The following LARGE1 variants were observed in gnomAD, a reference collection of about 807,000 sequenced individuals.
LARGE1 encodes xylosyl- and glucuronyltransferase LARGE1.
Under a neutral mutation model 87.6 loss-of-function variants are expected in LARGE1, and 43 were observed. The observed-to-expected ratio is 0.49, with a 90% CI of 0.38 to 0.63. The LOEUF is 0.63. Ranked by LOEUF, LARGE1 falls within the 30% of genes least tolerant of loss-of-function variation. The pLI is 0.00. For missense variants in LARGE1, 802 were observed against 1,000.2 expected (o/e 0.80, Z 2.67); for synonymous variants, 434 against 394.6 (o/e 1.10, Z -1.18).
chr22:33,446,660 C>G (rs1174142673), intron 6 of LARGE1, among the ~76,000 whole-genome samples: 1 of 152,084 alleles, frequency 6.6e-6, no homozygotes. Context: ...GCGAGGGAGA[C>G]GAGGCTGAAG....
chr22:33,478,395 A>T (rs1365790830), intron 6 of LARGE1, among the ~76,000 whole-genome samples: 14 of 152,230 alleles, frequency 9.2e-5, no homozygotes, highest in Admixed American at 9.2e-4. Flanking sequence ...TCTTTTGCCT[A>T]GAACACCTAT....
At chr22:33,239,270 C>T (rs554006477) in intron 11 of LARGE1, among the ~76,000 whole-genome samples, 22 of 152,166 alleles carry the variant, frequency 1.4e-4, no homozygotes, top group African/African-American at 4.8e-4. Flanking sequence ...TACTTAAATA[C>T]ATATTGCCAA....
intron 1 of LARGE1, among the ~76,000 whole-genome samples, chr22:33,764,624 G>A (rs945123847): frequency 3.9e-5 from 6 of 152,092 alleles, no homozygotes; most frequent in African/African-American, 1.2e-4. Flanking sequence ...TGGGTGTGGT[G>A]CCATGTGCCT....
At chr22:33,443,230 G>C (rs779856367) in intron 6 of LARGE1, among the ~76,000 whole-genome samples, 2 of 152,204 alleles carry the variant, frequency 1.3e-5, no homozygotes, top group Non-Finnish European at 2.9e-5. Flanking sequence ...TCTCAGAGTA[G>C]GGGATTGCAT....
the LARGE1 span, among the ~76,000 whole-genome samples, chr22:33,133,845 G>T: frequency 6.6e-6 from 1 of 151,942 alleles, no homozygotes; most frequent in African/African-American, 2.4e-5. Context: ...TCCAGCATCT[G>T]TTGTTTCTGA....
intron 2 of LARGE1, among the ~76,000 whole-genome samples, chr22:33,652,684 T>G (rs1283077780): frequency 6.6e-6 from 1 of 152,186 alleles, no homozygotes; most frequent in Non-Finnish European, 1.5e-5. Context: ...TTCAAAACTG[T>G]CCCAGAGAGT....
At chr22:33,457,341 G>A (rs376707193) in intron 6 of LARGE1, among the ~76,000 whole-genome samples, 1 of 129,050 alleles carries the variant, frequency 7.7e-6, no homozygotes, top group Admixed American at 9.2e-5. Flanking sequence ...TATTAGAGAC[G>A]GGGTTACACC....
intron 2 of LARGE1, among the ~76,000 whole-genome samples, chr22:33,734,246 C>T (rs1250675437): frequency 1.3e-5 from 2 of 152,206 alleles, no homozygotes; most frequent in Non-Finnish European, 2.9e-5. Context: ...CATAAGGTCA[C>T]GTTCACAGGC....
intron 10 of LARGE1, among the ~76,000 whole-genome samples, chr22:33,336,519 C>G (rs1320807673): frequency 2.6e-5 from 4 of 151,866 alleles, no homozygotes; most frequent in Non-Finnish European, 5.9e-5. Flanking sequence ...TTTTTATTCT[C>G]CATTTGACAG....
At chr22:33,377,570 G>C (rs555835314) in intron 9 of LARGE1, among the ~76,000 whole-genome samples, 1 of 152,186 alleles carries the variant, frequency 6.6e-6, no homozygotes, top group East Asian at 1.9e-4. Context: ...CAGTTTCTTT[G>C]CATGTTTGCA....
chr22:33,892,784 G>C (rs2065036923), intron 1 of LARGE1, among the ~76,000 whole-genome samples: 1 of 152,214 alleles, frequency 6.6e-6, no homozygotes, highest in South Asian at 2.1e-4. Context: ...TACTTCAGCG[G>C]AAGAGGCAGC....
At chr22:33,534,088 T>C (rs1366792998) in intron 6 of LARGE1, among the ~76,000 whole-genome samples, 1 of 152,278 alleles carries the variant, frequency 6.6e-6, no homozygotes, top group South Asian at 2.1e-4. Context: ...GGTGGGCTTC[T>C]TGACTGCAGG....
intron 2 of LARGE1, among the ~76,000 whole-genome samples, chr22:33,749,643 C>T (rs182401359): frequency 4.6e-5 from 7 of 152,320 alleles, no homozygotes; most frequent in South Asian, 4.1e-4. Flanking sequence ...TCCTGATGTC[C>T]GTTCCTTCTC....
chr22:33,910,919 C>T (rs1455848159), intron 1 of LARGE1, among the ~76,000 whole-genome samples: 1 of 152,182 alleles, frequency 6.6e-6, no homozygotes, highest in East Asian at 1.9e-4. Flanking sequence ...GGGGCAAGGT[C>T]GGTCCTGGAA....
the LARGE1 span, among the ~76,000 whole-genome samples, chr22:33,069,226 T>A: frequency 6.6e-6 from 1 of 152,008 alleles, no homozygotes; most frequent in African/African-American, 2.4e-5. Context: ...TTATTTCACT[T>A]CCATAATGAA....
chr22:33,760,189 G>A (rs1177479774), intron 2 of LARGE1, among the ~76,000 whole-genome samples: 1 of 152,202 alleles, frequency 6.6e-6, no homozygotes, highest in Non-Finnish European at 1.5e-5. Flanking sequence ...AAATTCAAGT[G>A]TGGGGGTAAA....
chr22:33,463,223 A>C (rs1477850925), intron 6 of LARGE1, among the ~76,000 whole-genome samples: 1 of 152,158 alleles, frequency 6.6e-6, no homozygotes, highest in South Asian at 2.1e-4. Context: ...GAATTTAAAT[A>C]AATCCAACTA....
rs575109409 is a variant in LARGE1 at position 33,787,777 on chromosome 22, C to G, written c.-82-26219G>C. On this transcript the variant is annotated intron_variant, in intron 1 of 14. Transcript: ENST00000397394. ...TTAGTGTGTCCTTACAGCCCTTCAA[C>G]ACTTGGTAAGAAGGAACTGAGAGTT... 2.6e-5 allele frequency among the ~76,000 whole-genome samples: 4 copies of G among 152,322 alleles called. No individual in the cohort carries two copies. In the East Asian group the frequency reaches 7.7e-4, roughly 29 times the overall value.
In LARGE1 at chr22:33,597,223, A is replaced by ATTCT. The variant is rs2079000328; in HGVS notation, c.615+7211_615+7212insAGAA. On this transcript the variant is annotated intron_variant, in intron 5 of 14. Transcript: ENST00000397394. ...CTGGGAAAAGCTATATGTTAGAAAG[A>ATTCT]AACATATGTGATCTCTTGTTGGGCA... Among the ~76,000 whole-genome samples, 7 of 152,150 alleles carry ATTCT rather than the reference A, an allele frequency of 4.6e-5. No individual in the cohort carries two copies. The South Asian group carries it at 8.3e-4, about 18-fold the overall frequency.
Sources: allele counts gnomAD v4.1 joint callset (sites outside exome capture counted in the v4.1 genomes callset), GRCh38; gene constraint gnomAD v4.1.1; transcripts MANE v1.5; gene names NCBI Gene and HGNC (gene_info 2026-07-23, HGNC 2026-07-21).